The following LAMB3 variants were observed in gnomAD, a reference collection of about 807,000 sequenced individuals.
The protein encoded by LAMB3 is laminin subunit beta 3, also known as laminin subunit beta-3.
A neutral mutation model predicts 140.3 loss-of-function variants in LAMB3; 104 were observed. That is an observed-to-expected ratio of 0.74 (90% CI 0.63 to 0.87). The LOEUF (loss-of-function observed/expected upper bound fraction) is 0.87. Ranked by LOEUF, LAMB3 falls within the 40% of genes least tolerant of loss-of-function variation. The probability of loss-of-function intolerance (pLI) is 0.00; values close to 1 mark genes in which losing one functional copy is unlikely to be tolerated. For synonymous variants in LAMB3, 592 were observed against 602.9 expected (o/e 0.98, Z 0.26); for missense variants, 1,531 against 1,575.2 (o/e 0.97, Z 0.47).
chr1:209,636,211 C>T (rs971270053), intron 5 of LAMB3, among the ~76,000 whole-genome samples: 2 of 152,144 alleles, frequency 1.3e-5, no homozygotes, highest in African/African-American at 2.4e-5. Context: ...ATTTCTCAAC[C>T]GTTCTCACTG....
rs780367752 is a variant in LAMB3 at position 209,628,111 on chromosome 1, A to G, written c.1212T>C (p.His404=). The change falls in exon 11 of 23, where the codon CAT becomes CAC. Residue 404 remains histidine (H), a synonymous_variant. Transcript: ENST00000356082. ...ATAGGTCACAGCGCTCTCCCTGCAC[A>G]TGCTCCTTGCACACACACTGCCCGG... is the stretch of plus-strand genomic sequence containing the variant. ...PVTGQCVCKE[H]VQGERCDLCK... is the part of the protein sequence containing the mutation. 12 of 1,597,108 alleles carry G rather than the reference A, an allele frequency of 7.5e-6. No homozygotes were observed. The highest frequency in any genetic ancestry group is 1.0e-5 in the Non-Finnish European group (12 of 1,171,252).
intron 5 of LAMB3, 127 bp from the exon 6 acceptor site, chr1:209,634,765 G>C: frequency 1.4e-6 from 1 of 732,422 alleles, no homozygotes; most frequent in Non-Finnish European, 2.3e-6. Flanking sequence ...AAGTGGGCTC[G>C]GAGCATCCGG....
chr1:209,625,990 C>A lies in LAMB3; in HGVS notation c.1634G>T (p.Gly545Val), dbSNP rs1666434762. The A allele has an allele frequency of 6.2e-7, 1 of 1,613,122 alleles. No homozygotes were observed. The highest frequency in any genetic ancestry group is 8.5e-7 in the Non-Finnish European group (1 of 1,179,554). Residue 545 changes from glycine (G) to valine (V), a missense_variant, in exon 14 of 23, where the codon GGC becomes GTC. Coordinates refer to ENST00000356082, the MANE Select transcript of LAMB3 (RefSeq NM_000228.3). ...GCAGCGGCCTGATGCCTTGTCGCAG[C>A]CCGGGCCCTCTGTTCCCCGGAAATC... ...DCDFRGTEGP[G>V]CDKASGRCLC...
chr1:209,623,235 C>T lies in LAMB3; in HGVS notation c.2359-56G>A, dbSNP rs1666275747. 15 of 1,555,740 alleles carry T rather than the reference C, an allele frequency of 9.6e-6. No homozygotes were observed. The highest frequency in any genetic ancestry group is 3.3e-4 in the Middle Eastern group (2 of 5,988). ...ACCCAAAGCCCCTCAATAACCAATC[C>T]CACCCCACACCTGGGAAACCAACAG... is the stretch of plus-strand genomic sequence containing the variant. On this transcript the variant is annotated intron_variant, in intron 16 of 22. Transcript: ENST00000356082. The surrounding 1 kb of genome is among the most constrained non-coding windows in gnomAD (Gnocchi z 4.2).
At chr1:209,627,708 G>T in intron 11 of LAMB3, 129 bp from the exon 12 acceptor site, 1 of 901,482 alleles carries the variant, frequency 1.1e-6, no homozygotes, top group Non-Finnish European at 1.7e-6. Context: ...AGATGACATG[G>T]CTGACTCACA....
rs1665905688 is a variant in LAMB3, at chr1:209,615,177, G to A, written c.*94C>T. 1 of 1,540,664 alleles carries A rather than the reference G, an allele frequency of 6.5e-7. No homozygotes were observed. The highest frequency in any genetic ancestry group is 2.2e-5 in the East Asian group (1 of 44,506). ...AGGCTGTACTTTAGGCTGCATGAAA[G>A]TCTCCTGGAGATGGAAAGCATTCCA... On this transcript the variant is annotated 3_prime_UTR_variant, in exon 23 of 23. Transcript: ENST00000356082.
At chr1:209,636,539 C>G (rs1411985045) in intron 5 of LAMB3, among the ~76,000 whole-genome samples, 1 of 152,152 alleles carries the variant, frequency 6.6e-6, no homozygotes, top group Non-Finnish European at 1.5e-5. Flanking sequence ...CTCCCCTCCC[C>G]CTGTGTATAC....
At position 209,617,396 on chromosome 1, in the gene LAMB3, C is replaced by A. The variant is rs767411941; in HGVS notation, c.3228+14G>T. ...TGGCCGTACATCATTGAGCTAACTC[C>A]GCCTTCTCTGTACCTCTTGGGCACT... On this transcript the variant is annotated intron_variant, in intron 21 of 22. Transcript: ENST00000356082. 1.1e-5 allele frequency: 18 copies of A among 1,611,914 alleles called. No individual in the cohort carries two copies. Among genetic ancestry groups the A allele is most frequent in the Non-Finnish European group, 1.5e-5 (18 of 1,179,872 alleles).
intron 9 of LAMB3, 116 bp downstream of exon 9, chr1:209,630,499 T>G: frequency 8.4e-7 from 1 of 1,196,682 alleles, no homozygotes; most frequent in Non-Finnish European, 1.2e-6. Flanking sequence ...GCAATTCAGT[T>G]TAGATTTACA....
At chr1:209,650,680 C>T (rs2076557512) in intron 2 of LAMB3, among the ~76,000 whole-genome samples, 1 of 152,178 alleles carries the variant, frequency 6.6e-6, no homozygotes, top group African/African-American at 2.4e-5. Context: ...CACAAACCAC[C>T]CTCGGCTGAG....
At chr1:209,619,639 TCTC>T (rs1666116813) in intron 18 of LAMB3, among the ~76,000 whole-genome samples, 1 of 152,160 alleles carries the variant, frequency 6.6e-6, no homozygotes, top group Non-Finnish European at 1.5e-5. Context: ...AGAGATGACA[TCTC>T]CTCCCCATCT....
At chr1:209,619,887 C>T (rs1016668250) in intron 18 of LAMB3, among the ~76,000 whole-genome samples, 1 of 152,194 alleles carries the variant, frequency 6.6e-6, no homozygotes, top group African/African-American at 2.4e-5. Context: ...CTGTGTCCCT[C>T]GGGGCTTGCA....
chr1:209,649,592 C>T (rs1216176907), intron 3 of LAMB3, among the ~76,000 whole-genome samples: 2 of 152,198 alleles, frequency 1.3e-5, no homozygotes, highest in African/African-American at 4.8e-5. Context: ...TCGGCCCACA[C>T]ATCCCAGCAC....
In LAMB3 at chr1:209,623,798, C is replaced by G. The variant is rs1390343483; in HGVS notation, c.2137+42G>C. On this transcript the variant is annotated intron_variant, in intron 15 of 22. Transcript: ENST00000356082. The surrounding 1 kb of genome is among the most constrained non-coding windows in gnomAD (Gnocchi z 4.2). Reference sequence around the variant, plus strand: ...AGAGGGGGTGGCATGCCCACCACGGCAGTGCCCATGCCCGGGGTTATCCGG... The same window carrying G: ...AGAGGGGGTGGCATGCCCACCACGGGAGTGCCCATGCCCGGGGTTATCCGG... 1.9e-6 allele frequency: 3 copies of G among 1,613,528 alleles called. No homozygotes were observed. The Admixed American group carries it at 5.0e-5, about 27-fold the overall frequency.
chr1:209,619,261 C>A (rs1666104466), intron 18 of LAMB3, among the ~76,000 whole-genome samples: 1 of 152,212 alleles, frequency 6.6e-6, no homozygotes, highest in African/African-American at 2.4e-5. Flanking sequence ...CTAGCACTTG[C>A]ACCACCCATG....
chr1:209,642,051 C>T (rs1288571740), intron 3 of LAMB3, among the ~76,000 whole-genome samples: 1 of 152,118 alleles, frequency 6.6e-6, no homozygotes, highest in Admixed American at 6.5e-5. Context: ...TCTTTCTTTC[C>T]CTGGGCCATG....
intron 19 of LAMB3, 81 bp downstream of exon 19, chr1:209,618,371 C>A: frequency 7.2e-7 from 1 of 1,397,930 alleles, no homozygotes; most frequent in African/African-American, 1.4e-5. Flanking sequence ...GCCCTCTGTA[C>A]CCCTCTCCCA....
At chr1:209,635,053 A>AT (rs1666850467) in intron 5 of LAMB3, among the ~76,000 whole-genome samples, 2 of 151,102 alleles carry the variant, frequency 1.3e-5, no homozygotes, top group Admixed American at 6.6e-5. Context: ...TTCCTGGGTG[A>AT]TTATCTGATC....
chr1:209,650,871 T>A, intron 2 of LAMB3, 46 bp downstream of exon 2: 1 of 1,591,064 alleles, frequency 6.3e-7, no homozygotes, highest in Non-Finnish European at 8.6e-7. Flanking sequence ...GGCTGTTGCC[T>A]CCCTGCCATA....
Sources: gnomAD v4.1 joint callset for allele counts (sites outside exome capture counted in the v4.1 genomes callset) on GRCh38, gnomAD v4.1.1 for gene constraint, Gnocchi (gnomAD v3.1) non-coding constraint, MANE v1.5 for transcripts, NCBI Gene and HGNC (gene_info 2026-07-23, HGNC 2026-07-21) for gene names.